NME8: variants seen among roughly 807,000 people sequenced by gnomAD.
NME8 encodes NME/NM23 family member 8.
NME8 carries 72 observed loss-of-function variants against 82.3 expected under a neutral mutation model. That is an observed-to-expected ratio of 0.87 (90% CI 0.72 to 1.06). The LOEUF (loss-of-function observed/expected upper bound fraction) is 1.06. Among genes scored for constraint, NME8 ranks in the 50% least tolerant of loss-of-function variants. NME8 has a pLI of 0.00. For synonymous variants in NME8, 267 were observed against 228.5 expected (o/e 1.17, Z -1.52); for missense variants, 712 against 685.4 (o/e 1.04, Z -0.43).
intron 2 of NME8, among the ~76,000 whole-genome samples, chr7:37,849,485 C>A (rs1313348891): frequency 6.6e-6 from 1 of 152,086 alleles, no homozygotes; most frequent in Non-Finnish European, 1.5e-5. Flanking sequence ...GCCTAGCATA[C>A]AATAGTCCTT....
chr7:37,864,023 G>A (rs1216869224), intron 8 of NME8, among the ~76,000 whole-genome samples: 2 of 152,164 alleles, frequency 1.3e-5, no homozygotes, highest in Non-Finnish European at 2.9e-5. Context: ...TTCACTTACT[G>A]GTAGTACTGT....
chr7:37,888,965 A>C (rs540443850), intron 15 of NME8, among the ~76,000 whole-genome samples: 1 of 152,022 alleles, frequency 6.6e-6, no homozygotes, highest in East Asian at 1.9e-4. Flanking sequence ...ATACTTCATA[A>C]GGAATGTGAA....
intron 2 of NME8, among the ~76,000 whole-genome samples, chr7:37,849,339 G>A (rs1784405120): frequency 6.6e-6 from 1 of 152,062 alleles, no homozygotes. Flanking sequence ...TGATAATATA[G>A]GAAACACTTT....
chr7:37,870,897 C>G (rs1240387292), intron 11 of NME8, among the ~76,000 whole-genome samples: 2 of 152,218 alleles, frequency 1.3e-5, no homozygotes, highest in Admixed American at 6.5e-5. Context: ...ACAGCTCTTG[C>G]TCTGGAGGGA....
chr7:37,899,425 G>C (rs537443802), intron 17 of NME8, among the ~76,000 whole-genome samples: 11 of 152,184 alleles, frequency 7.2e-5, no homozygotes, highest in African/African-American at 2.6e-4. Flanking sequence ...ACTAATGAAG[G>C]AACAGAAAAC....
Position 37,849,022 on chromosome 7 carries a change from C to A in NME8, c.-42C>A, listed in dbSNP as rs1583622848. ...GGCCTGTTCCTTCCTTTTCTTTAAA[C>A]GTCCCAGTCTAGCTTAGAGGAGGAC... On this transcript the variant is annotated 5_prime_UTR_variant, in exon 2 of 18. Transcript: ENST00000199447. 6.6e-6 allele frequency: 1 copy of A among 152,276 alleles called. No homozygotes were observed. The highest frequency in any genetic ancestry group is 2.1e-4 in the South Asian group (1 of 4,830). The allele number at this position is 152,276 out of a possible 1,614,324, so 9.4% of individuals were successfully genotyped here.
At chr7:37,883,739 C>T (rs920787297) in intron 12 of NME8, among the ~76,000 whole-genome samples, 1 of 152,160 alleles carries the variant, frequency 6.6e-6, no homozygotes, top group East Asian at 1.9e-4. Flanking sequence ...AGCTGGATCA[C>T]ACTGCCACAC....
At chr7:37,889,795 G>A (rs1172849722) in intron 15 of NME8, among the ~76,000 whole-genome samples, 1 of 151,928 alleles carries the variant, frequency 6.6e-6, no homozygotes, top group African/African-American at 2.4e-5. Context: ...GTGTCATGGT[G>A]AAAAGTTTGA....
At chr7:37,852,679 A>T (rs1358202682) in intron 5 of NME8, among the ~76,000 whole-genome samples, 1 of 152,072 alleles carries the variant, frequency 6.6e-6, no homozygotes, top group Non-Finnish European at 1.5e-5. Flanking sequence ...ATTTCTTTTT[A>T]GTGTCAAATA....
chr7:37,884,178 C>A, intron 12 of NME8, 125 bp from the exon 13 acceptor site: 3 of 701,218 alleles, frequency 4.3e-6, no homozygotes, highest in South Asian at 3.4e-5. Flanking sequence ...GGTATTTCTG[C>A]AAACTTTCAA....
At chr7:37,889,346 C>G (rs78142343) in intron 15 of NME8, among the ~76,000 whole-genome samples, 3,197 of 151,270 alleles carry the variant, frequency 0.021, 191 homozygotes, top group Admixed American at 0.12. Flanking sequence ...TCTTTTCTAA[C>G]TACTATTTTT....
At chr7:37,888,515 A>G in intron 15 of NME8, 87 bp downstream of exon 15, 2 of 1,321,100 alleles carry the variant, frequency 1.5e-6, no homozygotes, top group Non-Finnish European at 2.1e-6. Flanking sequence ...AAAGCAAAAC[A>G]GGAAACAGAA....
At chr7:37,862,895 A>G (rs1784618518) in intron 7 of NME8, among the ~76,000 whole-genome samples, 1 of 152,080 alleles carries the variant, frequency 6.6e-6, no homozygotes, top group Non-Finnish European at 1.5e-5. Context: ...CAAGGAGGGC[A>G]GATCACTTGA....
At chr7:37,864,959 G>C (rs1390983535) in intron 9 of NME8, among the ~76,000 whole-genome samples, 1 of 152,076 alleles carries the variant, frequency 6.6e-6, no homozygotes, top group African/African-American at 2.4e-5. Context: ...CCTCCCACTG[G>C]ATTCCTCCCA....
At chr7:37,886,144 T>C (rs1785036541) in intron 14 of NME8, among the ~76,000 whole-genome samples, 1 of 152,232 alleles carries the variant, frequency 6.6e-6, no homozygotes, top group Non-Finnish European at 1.5e-5. Flanking sequence ...AATTATGTCT[T>C]TGCTTATGTG....
intron 12 of NME8, among the ~76,000 whole-genome samples, chr7:37,883,615 T>C (rs1423516011): frequency 6.6e-6 from 1 of 152,196 alleles, no homozygotes; most frequent in Non-Finnish European, 1.5e-5. Flanking sequence ...CCAAAGATCA[T>C]GTCCCTCAAA....
chr7:37,896,994 G>T lies in NME8; in HGVS notation c.1669G>T (p.Gly557Ter). ...LSPDSIRAQF[G>*]ISKLKNIVHG... Reference sequence around the variant, plus strand: ...CCCTGACTCCATCCGAGCCCAGTTTGGAATAAGTAAATTGAAAAACATTGT... The same window carrying T: ...CCCTGACTCCATCCGAGCCCAGTTTTGAATAAGTAAATTGAAAAACATTGT... The change falls in exon 17 of 18, where the codon GGA becomes TGA. Residue 557 changes from glycine to a stop codon, truncating the protein, a stop_gained. Transcript: ENST00000199447. LOFTEE classifies it low-confidence loss of function (END_TRUNC). The T allele has an allele frequency of 6.2e-7, 1 of 1,613,838 alleles. No individual in the cohort carries two copies. Among genetic ancestry groups the T allele is most frequent in the Non-Finnish European group, 8.5e-7 (1 of 1,179,878 alleles).
At chr7:37,893,586 C>T (rs1785168805) in intron 15 of NME8, among the ~76,000 whole-genome samples, 1 of 152,116 alleles carries the variant, frequency 6.6e-6, no homozygotes. Context: ...TTGGTGATCA[C>T]ACCTTATTTT....
intron 16 of NME8, among the ~76,000 whole-genome samples, chr7:37,896,052 C>T (rs1057210976): frequency 1.3e-5 from 2 of 152,074 alleles, no homozygotes; most frequent in Admixed American, 6.6e-5. Context: ...CACACACACA[C>T]GTGTGTATAA....
Sources: gnomAD v4.1 joint callset for allele counts (sites outside exome capture counted in the v4.1 genomes callset) on GRCh38, gnomAD v4.1.1 for gene constraint, MANE v1.5 for transcripts, NCBI Gene and HGNC (gene_info 2026-07-23, HGNC 2026-07-21) for gene names.